The following REPS2 variants were observed in gnomAD, a reference collection of about 807,000 sequenced individuals.
REPS2 encodes ralBP1-associated Eps domain-containing protein 2.
REPS2 carries 23 observed loss-of-function variants against 53.6 expected under a neutral mutation model. The ratio of observed to expected loss-of-function variants is 0.43; its 90% CI spans 0.31 to 0.61. The LOEUF is 0.61. REPS2 is among the 20% of genes least tolerant of loss of function. The pLI is 0.11. For synonymous variants in REPS2, 238 were observed against 218.6 expected (o/e 1.09, Z -0.78); for missense variants, 446 against 534.9 (o/e 0.83, Z 1.64).
the REPS2 span, among the ~76,000 whole-genome samples, chrX:17,196,477 A>G: frequency 9.0e-6 from 1 of 111,287 alleles, no homozygotes; most frequent in African/African-American, 3.3e-5. Flanking sequence ...TAGTGCTCTT[A>G]TAAAAGAGGC....
chrX:17,162,523 G>A, the REPS2 span, among the ~76,000 whole-genome samples: 1 of 112,704 alleles, frequency 8.9e-6, no homozygotes, highest in Admixed American at 9.3e-5. Context: ...AACTGAGAAG[G>A]TCACCTCTGA....
chrX:17,050,503 T>C (rs1227100570), intron 6 of REPS2, among the ~76,000 whole-genome samples: 2 of 110,602 alleles, frequency 1.8e-5, no homozygotes, highest in Non-Finnish European at 1.9e-5. Flanking sequence ...GTTTGTAGCC[T>C]AGGAGCAATA....
intron 6 of REPS2, among the ~76,000 whole-genome samples, chrX:17,050,119 C>CTTCT (rs34581298): frequency 1.4e-5 from 1 of 72,462 alleles, no homozygotes; most frequent in Non-Finnish European, 2.7e-5. Flanking sequence ...TTCTATGTTT[C>CTTCT]TTCTTTCTTT....
chrX:17,101,312 T>TCA (rs2062797771), intron 13 of REPS2, among the ~76,000 whole-genome samples: 1 of 110,681 alleles, frequency 9.0e-6, no homozygotes, highest in African/African-American at 3.3e-5. Flanking sequence ...TCTGCCCGCC[T>TCA]TGGCCTCCCA....
Position 17,054,848 on chromosome X carries a change from C to T in REPS2, c.1012C>T (p.Pro338Ser), listed in dbSNP as rs915169988. The T allele has an allele frequency of 4.1e-6, 5 of 1,211,209 alleles. No individual in the cohort carries two copies. In the Admixed American group the frequency reaches 8.7e-5, roughly 21 times the overall value. ...DADCDGALTL[P>S]EFCAAFHLIV... is the part of the protein sequence containing the mutation. Reference sequence around the variant, plus strand: ...TGACTGTGATGGAGCCCTGACCCTGCCTGAGTTCTGTGCTGCGTTTCATCT... The same window carrying T: ...TGACTGTGATGGAGCCCTGACCCTGTCTGAGTTCTGTGCTGCGTTTCATCT... Residue 338 changes from proline (P) to serine (S), a missense_variant, in exon 8 of 18, where the codon CCT (proline) becomes TCT (serine). Pro to Ser is a moderately conservative substitution (Grantham distance 74). Transcript: ENST00000357277.
In REPS2 at chrX:17,077,339, G is replaced by A. The variant is rs748910933; in HGVS notation, c.1448G>A (p.Arg483Gln). The A allele has an allele frequency of 2.5e-6, 3 of 1,210,239 alleles. No homozygotes were observed. The highest frequency in any genetic ancestry group is 2.2e-5 in the Admixed American group (1 of 45,872). ...RGEDPPTPPP[R>Q]PQKTHSRASS... The stretch of plus-strand genomic sequence containing the variant: ...GAGGACCCTCCCACCCCGCCACCTC[G>A]GCCACAGAAAACCCATTCCAGAGCC... The change falls in exon 13 of 18, where the codon CGG becomes CAG. Residue 483 changes from arginine to glutamine, a missense_variant. Coordinates refer to ENST00000357277, the MANE Select transcript of REPS2 (RefSeq NM_004726.3).
intron 1 of REPS2, among the ~76,000 whole-genome samples, chrX:16,992,724 TTAAA>T (rs1443537608): frequency 1.8e-5 from 2 of 112,154 alleles, no homozygotes; most frequent in Non-Finnish European, 3.8e-5. Flanking sequence ...CTAGTTTCAA[TTAAA>T]TAAATGTTTG....
intron 1 of REPS2, among the ~76,000 whole-genome samples, chrX:16,988,038 C>T (rs2061113074): frequency 9.0e-6 from 1 of 110,767 alleles, no homozygotes; most frequent in South Asian, 3.8e-4. Flanking sequence ...CTTTGAGAGG[C>T]GAGCTAGGAG....
intron 13 of REPS2, among the ~76,000 whole-genome samples, chrX:17,083,208 C>T (rs777481981): frequency 1.0e-4 from 11 of 108,473 alleles, no homozygotes; most frequent in African/African-American, 3.7e-4. Flanking sequence ...CTCGGCCTCC[C>T]AAATAGCTGG....
intron 1 of REPS2, among the ~76,000 whole-genome samples, chrX:16,987,095 A>C (rs971058109): frequency 4.6e-5 from 5 of 108,965 alleles, no homozygotes; most frequent in Non-Finnish European, 9.5e-5. Context: ...TATTTATATT[A>C]ATTAATTAAT....
intron 1 of REPS2, among the ~76,000 whole-genome samples, chrX:16,968,494 G>C: frequency 9.3e-6 from 1 of 107,993 alleles, no homozygotes; most frequent in African/African-American, 3.4e-5. Flanking sequence ...CTCCCTCCCG[G>C]ACGGGGCGGC....
At chrX:17,145,275 G>C (rs957702331) in intron 17 of REPS2, among the ~76,000 whole-genome samples, 3 of 111,381 alleles carry the variant, frequency 2.7e-5, no homozygotes, top group African/African-American at 9.8e-5. Flanking sequence ...TGTTTTGCTA[G>C]ATGATGTTAT....
intron 13 of REPS2, among the ~76,000 whole-genome samples, chrX:17,087,329 T>G (rs941745204): frequency 2.7e-5 from 3 of 111,951 alleles, no homozygotes; most frequent in South Asian, 3.7e-4. Flanking sequence ...GTGATTATAT[T>G]AGCTCAGTAA....
chrX:17,120,339 C>T (rs2063125895), intron 14 of REPS2, among the ~76,000 whole-genome samples: 1 of 111,841 alleles, frequency 8.9e-6, no homozygotes, highest in African/African-American at 3.3e-5. Flanking sequence ...AGAGCATGGG[C>T]TTGGGGTTTC....
rs189949225 is a variant in REPS2 at position 17,117,380 on chromosome X, C to T, written c.1578+13601C>T. On this transcript the variant is annotated intron_variant, in intron 14 of 17. Transcript: ENST00000357277. The stretch of plus-strand genomic sequence containing the variant: ...TGTTGGTGTGCTGCACCCATTAACT[C>T]GTCATTTAGCATTAGGTATATCTCC... Among the ~76,000 whole-genome samples, 575 of 110,933 alleles carry T rather than the reference C, an allele frequency of 5.2e-3. 24 individuals carry two copies. In the East Asian group the frequency reaches 0.096, roughly 18 times the overall value.
chrX:17,042,701 A>C (rs780795350), intron 5 of REPS2, among the ~76,000 whole-genome samples: 77 of 107,253 alleles, frequency 7.2e-4, no homozygotes, highest in African/African-American at 2.4e-3. Flanking sequence ...AAAGTATCTG[A>C]TATGGCTCCT....
chrX:17,072,018 T>C (rs2062313576), intron 11 of REPS2, among the ~76,000 whole-genome samples: 1 of 111,780 alleles, frequency 8.9e-6, no homozygotes, highest in Non-Finnish European at 1.9e-5. Context: ...TGAGGTGTTT[T>C]CAGCTGGTTC....
At chrX:17,141,124 C>G (rs930668147) in intron 17 of REPS2, among the ~76,000 whole-genome samples, 27 of 111,827 alleles carry the variant, frequency 2.4e-4, no homozygotes, top group African/African-American at 8.8e-4. Context: ...CATGTACTTA[C>G]GGAATCCAAA....
At chrX:17,015,778 A>G (rs2061485336) in intron 2 of REPS2, among the ~76,000 whole-genome samples, 1 of 111,903 alleles carries the variant, frequency 8.9e-6, no homozygotes, top group African/African-American at 3.3e-5. Flanking sequence ...TCCATGGTGT[A>G]TATGTGCCAC....
Sources: gnomAD v4.1 joint callset for allele counts (sites outside exome capture counted in the v4.1 genomes callset) on GRCh38, gnomAD v4.1.1 for gene constraint, MANE v1.5 for transcripts, NCBI Gene and HGNC (gene_info 2026-07-23, HGNC 2026-07-21) for gene names.